ADAM12: variants seen among roughly 807,000 people sequenced by gnomAD.
The protein encoded by ADAM12 is ADAM metallopeptidase domain 12, also known as disintegrin and metalloproteinase domain-containing protein 12.
A neutral mutation model predicts 106.4 loss-of-function variants in ADAM12; 70 were observed. The ratio of observed to expected loss-of-function variants is 0.66; its 90% confidence interval spans 0.54 to 0.80. The LOEUF (loss-of-function observed/expected upper bound fraction) is 0.80. Among genes scored for constraint, ADAM12 ranks in the 30% least tolerant of loss-of-function variants. The probability of loss-of-function intolerance (pLI) is 0.00; values close to 1 mark genes in which losing one functional copy is unlikely to be tolerated. For synonymous variants in ADAM12, 420 were observed against 433.5 expected (o/e 0.97, Z 0.39); for missense variants, 1,010 against 1,171.9 (o/e 0.86, Z 2.02).
chr10:126,029,372 A>G (rs190330285), intron 21 of ADAM12, among the ~76,000 whole-genome samples: 1 of 152,036 alleles, frequency 6.6e-6, no homozygotes, highest in East Asian at 1.9e-4. Context: ...GGGTAAGAAA[A>G]TGTGGTAAAT....
chr10:126,321,172 C>T (rs1411522692), intron 2 of ADAM12, among the ~76,000 whole-genome samples: 1 of 152,108 alleles, frequency 6.6e-6, no homozygotes, highest in Non-Finnish European at 1.5e-5. Flanking sequence ...ACTATAAGCC[C>T]TACATGTCAG....
chr10:126,244,269 G>C (rs1014967377), intron 3 of ADAM12, among the ~76,000 whole-genome samples: 1 of 152,212 alleles, frequency 6.6e-6, no homozygotes, highest in African/African-American at 2.4e-5. Context: ...AACTCTGAGA[G>C]ATCAGACAAT....
At chr10:126,295,440 A>G (rs1429531373) in intron 2 of ADAM12, among the ~76,000 whole-genome samples, 3 of 152,196 alleles carry the variant, frequency 2.0e-5, no homozygotes, top group Non-Finnish European at 4.4e-5. Context: ...GTCTAAGAAT[A>G]TATTTCCGTT....
At chr10:126,290,563 ACAAAT>A (rs1388964158) in intron 2 of ADAM12, among the ~76,000 whole-genome samples, 1 of 152,250 alleles carries the variant, frequency 6.6e-6, no homozygotes, top group African/African-American at 2.4e-5. Context: ...AAATCCAATC[ACAAAT>A]CAAACTGCTA....
intron 11 of ADAM12, among the ~76,000 whole-genome samples, chr10:126,087,835 CA>C (rs1392795252): frequency 2.0e-5 from 3 of 152,112 alleles, no homozygotes; most frequent in African/African-American, 7.2e-5. Flanking sequence ...CTGAAAATTG[CA>C]GTTCATTTTA....
chr10:126,255,739 C>A (rs1368436725), intron 3 of ADAM12, among the ~76,000 whole-genome samples: 1 of 152,184 alleles, frequency 6.6e-6, no homozygotes, highest in African/African-American at 2.4e-5. Context: ...GTCTCCAGGA[C>A]AACTGAATGA....
Position 126,330,426 on chromosome 10 carries a change from T to A in ADAM12, c.172A>T (p.Ser58Cys). ...GSGDLWIPVK[S>C]FDSKNHPEVL... ...GAGGAACTCACCTTGGAGTCGAAGC[T>A]CTTCACTGGGATCCAGAGGTCCCCA... Residue 58 changes from serine to cysteine, a missense_variant, in exon 2 of 23, where the codon AGC (serine) becomes TGC (cysteine). This residue lies in a region of ADAM12 where 391 missense variants were observed against 442.9 expected (regional missense o/e 0.88). Coordinates refer to ENST00000448723, the MANE Select transcript of ADAM12 (RefSeq NM_001288973.2). 6.2e-7 allele frequency: 1 copy of A among 1,612,996 alleles called. No homozygotes were observed. The highest frequency in any genetic ancestry group is 8.5e-7 in the Non-Finnish European group (1 of 1,179,752).
rs937312186 is a variant in ADAM12 at position 126,071,496 on chromosome 10, C to G, written c.1304G>C (p.Cys435Ser). The part of the protein sequence containing the change: ...GNRFVEEGEE[C>S]DCGEPEECMN... The stretch of plus-strand genomic sequence containing the variant: ...TCTTACCTCTGGCTCCCCACAGTCA[C>G]ACTCCTCTCCTTCTTCCACAAATCT... The change falls in exon 12 of 23, where the codon TGT becomes TCT. Residue 435 changes from cysteine to serine, a missense_variant. Cys to Ser is a moderately radical substitution (Grantham distance 112). Transcript: ENST00000448723. 6.2e-7 allele frequency: 1 copy of G among 1,613,986 alleles called. No homozygotes were observed. The highest frequency in any genetic ancestry group is 1.3e-5 in the African/African-American group (1 of 74,892).
chr10:126,155,087 T>G (rs1956788870), intron 4 of ADAM12, 140 bp downstream of exon 4: 1 of 866,448 alleles, frequency 1.2e-6, no homozygotes, highest in Non-Finnish European at 1.8e-6. Context: ...CGCCTACCAC[T>G]AAGGGACACA....
intron 3 of ADAM12, among the ~76,000 whole-genome samples, chr10:126,173,185 C>T (rs548334487): frequency 3.8e-4 from 58 of 152,210 alleles, no homozygotes; most frequent in Non-Finnish European, 7.2e-4. Context: ...CAGCAAACCA[C>T]CATGGCACGT....
At chr10:126,276,595 C>T (rs779779953) in intron 3 of ADAM12, among the ~76,000 whole-genome samples, 1 of 152,030 alleles carries the variant, frequency 6.6e-6, no homozygotes, top group Non-Finnish European at 1.5e-5. Context: ...TTGGCATCCT[C>T]TTATTATGAA....
chr10:126,256,286 C>T (rs977287595), intron 3 of ADAM12, among the ~76,000 whole-genome samples: 8 of 152,174 alleles, frequency 5.3e-5, no homozygotes, highest in Non-Finnish European at 1.0e-4. Flanking sequence ...AGTCCTATGG[C>T]TCTGTAACAG....
At chr10:126,063,045 C>G (rs1954790295) in intron 14 of ADAM12, among the ~76,000 whole-genome samples, 1 of 152,202 alleles carries the variant, frequency 6.6e-6, no homozygotes, top group Admixed American at 6.5e-5. Context: ...ACAGGGTGTC[C>G]CCCACTGCTC....
chr10:126,100,187 T>C (rs1955634932), intron 9 of ADAM12, among the ~76,000 whole-genome samples: 1 of 152,164 alleles, frequency 6.6e-6, no homozygotes, highest in Non-Finnish European at 1.5e-5. Context: ...AAACACTCTT[T>C]GGTTCCTAAC....
chr10:126,309,787 A>G (rs1051053975), intron 2 of ADAM12, among the ~76,000 whole-genome samples: 1 of 152,140 alleles, frequency 6.6e-6, no homozygotes, highest in Non-Finnish European at 1.5e-5. Context: ...ATGATCTAAG[A>G]CAGTTGTAAA....
chr10:126,336,636 G>T (rs2133861283), intron 1 of ADAM12, among the ~76,000 whole-genome samples: 1 of 152,180 alleles, frequency 6.6e-6, no homozygotes, highest in South Asian at 2.1e-4. Flanking sequence ...AAGATTTTTT[G>T]CATCATTGGC....
At chr10:126,131,575 G>A (rs915431341) in intron 5 of ADAM12, among the ~76,000 whole-genome samples, 6 of 152,100 alleles carry the variant, frequency 3.9e-5, no homozygotes, top group Non-Finnish European at 5.9e-5. Flanking sequence ...GATGGGATTC[G>A]TGCCCTTATA....
intron 6 of ADAM12, among the ~76,000 whole-genome samples, chr10:126,111,303 G>A (rs1368604506): frequency 6.6e-6 from 1 of 152,158 alleles, no homozygotes; most frequent in East Asian, 1.9e-4. Context: ...CATGCTTTAT[G>A]GTGATAACTA....
intron 2 of ADAM12, among the ~76,000 whole-genome samples, chr10:126,310,025 G>A (rs1034758682): frequency 6.6e-6 from 1 of 151,982 alleles, no homozygotes; most frequent in African/African-American, 2.4e-5. Context: ...CAGGCATAGT[G>A]GCATGCGCCT....
Sources: allele counts gnomAD v4.1 joint callset (sites outside exome capture counted in the v4.1 genomes callset), GRCh38; gene constraint gnomAD v4.1.1; regional missense constraint gnomAD v4.1.1; transcripts MANE v1.5; gene names NCBI Gene and HGNC (gene_info 2026-07-23, HGNC 2026-07-21).